The following TPRKB variants were observed in gnomAD, a reference collection of about 807,000 sequenced individuals.
TPRKB encodes the protein TP53RK binding protein.
A neutral mutation model predicts 17.8 loss-of-function variants in TPRKB; 11 were observed. That is an observed-to-expected ratio of 0.62 (90% CI 0.39 to 1.02). The LOEUF is 1.02. Ranked by LOEUF, TPRKB falls within the 50% of genes least tolerant of loss-of-function variation. The probability of loss-of-function intolerance (pLI) is 0.00; values close to 1 mark genes in which losing one functional copy is unlikely to be tolerated. For synonymous variants in TPRKB, 71 were observed against 69.5 expected, an observed-to-expected ratio of 1.02 and a Z score of -0.11; for missense variants, 228 against 198.0, an observed-to-expected ratio of 1.15 and a Z score of -0.91.
Position 73,734,394 on chromosome 2 carries a change from C to A in TPRKB, c.141+35G>T, listed in dbSNP as rs758973512. 9 of 1,595,062 alleles carry A rather than the reference C, an allele frequency of 5.6e-6. No homozygotes were observed. The Admixed American group carries it at 1.4e-4, about 25-fold the overall frequency. ...CATTACAGGCGTGAGCCACCGCACCCAGCAGGCTCATTCATTCTTAAAATT... is the reference window on the plus strand; with the variant it reads ...CATTACAGGCGTGAGCCACCGCACCAAGCAGGCTCATTCATTCTTAAAATT... On this transcript the variant is annotated intron_variant, in intron 2 of 4. Transcript: ENST00000272424.
intron 4 of TPRKB, 100 bp downstream of exon 4, chr2:73,730,460 A>C (rs1210067532): frequency 1.2e-6 from 1 of 809,472 alleles, no homozygotes; most frequent in Non-Finnish European, 1.9e-6. Context: ...TAACTTTCTC[A>C]AAAGTTCAAA....
rs748983849 is a variant in TPRKB, at chr2:73,730,573, GTAATAT to G, written c.422_427del (p.Asn141_Ile142del). 1 of 1,588,216 alleles carries G rather than the reference GTAATAT, an allele frequency of 6.3e-7. No homozygotes were observed. The highest frequency in any genetic ancestry group is 8.5e-7 in the Non-Finnish European group (1 of 1,171,774). On this transcript the variant is annotated inframe_deletion, in exon 4 of 5. Transcript: ENST00000272424. Reference sequence around the variant, plus strand: ...GGACTGGCAAACCTTTTTGACTTCTGTAATATTCATTATTTCAGGAAGATTTTTCAG... The same window carrying G: ...GGACTGGCAAACCTTTTTGACTTCTGTCATTATTTCAGGAAGATTTTTCAG...
In TPRKB at chr2:73,732,156, A is replaced by C; in HGVS notation, c.264+7T>G. 6.2e-7 allele frequency: 1 copy of C among 1,612,454 alleles called. No homozygotes were observed. On this transcript the variant is annotated splice_region_variant and intron_variant, in intron 3 of 4. Coordinates refer to ENST00000272424, the MANE Select transcript of TPRKB (RefSeq NM_016058.5). ...ACGGTCAACAGAAATAGGAAAGTGC[A>C]CATTACATTGTTATTTGGGGAAAGG... is the stretch of plus-strand genomic sequence containing the variant.
intron 1 of TPRKB, among the ~76,000 whole-genome samples, chr2:73,735,332 CAA>C (rs35805651): frequency 1.9e-4 from 27 of 145,016 alleles, no homozygotes; most frequent in East Asian, 4.0e-4. Context: ...AACTCCGTCT[CAA>C]AAAAAAAAAA....
chr2:73,736,106 T>C (rs1417145426), intron 1 of TPRKB, among the ~76,000 whole-genome samples: 1 of 152,190 alleles, frequency 6.6e-6, no homozygotes, highest in African/African-American at 2.4e-5. Context: ...ACCAAAAAGT[T>C]AATGTTATCT....
intron 3 of TPRKB, 38 bp downstream of exon 3, chr2:73,732,125 T>A: frequency 6.2e-7 from 1 of 1,600,190 alleles, no homozygotes. Flanking sequence ...CATATGTTAT[T>A]ATGACACGGT....
chr2:73,730,458 T>G (rs759948738), intron 4 of TPRKB, 102 bp downstream of exon 4: 4 of 783,620 alleles, frequency 5.1e-6, no homozygotes, highest in Non-Finnish European at 5.8e-6. Flanking sequence ...ATTAACTTTC[T>G]CAAAAGTTCA....
rs1671549595 is a variant in TPRKB, at chr2:73,730,505, C to T, written c.441+55G>A. 6 of 1,248,562 alleles carry T rather than the reference C, an allele frequency of 4.8e-6. No homozygotes were observed. The South Asian group carries it at 8.7e-5, about 18-fold the overall frequency. The allele number at this position is 1,248,562 out of a possible 1,614,324, so 77.3% of individuals were successfully genotyped here. On this transcript the variant is annotated intron_variant, in intron 4 of 4. Coordinates refer to ENST00000272424, the MANE Select transcript of TPRKB (RefSeq NM_016058.5). ...GCTCTGGTGATCAATAGGCAAACGGCATCAGCATTATTGCTCATCTATCAC... is the reference window on the plus strand; with the variant it reads ...GCTCTGGTGATCAATAGGCAAACGGTATCAGCATTATTGCTCATCTATCAC...
intron 1 of TPRKB, among the ~76,000 whole-genome samples, chr2:73,736,278 TA>T (rs980240520): frequency 8.5e-5 from 13 of 152,318 alleles, no homozygotes; most frequent in Middle Eastern, 3.4e-3. Context: ...AAGATACACA[TA>T]TTTTTTTAAA....
At chr2:73,730,851 A>G in intron 3 of TPRKB, 115 bp from the exon 4 acceptor site, 1 of 700,212 alleles carries the variant, frequency 1.4e-6, no homozygotes, top group Non-Finnish European at 2.2e-6. Context: ...TTCATGTCCT[A>G]ACAGTTCTCA....
chr2:73,733,927 C>T (rs578258796), intron 2 of TPRKB, among the ~76,000 whole-genome samples: 1 of 148,940 alleles, frequency 6.7e-6, no homozygotes, highest in South Asian at 2.1e-4. Flanking sequence ...AAGCGATTCT[C>T]CTGCCTCAGT....
intron 1 of TPRKB, among the ~76,000 whole-genome samples, chr2:73,735,751 T>G (rs1004611282): frequency 1.1e-4 from 16 of 152,236 alleles, no homozygotes; most frequent in African/African-American, 3.4e-4. Context: ...TCTATCAAAT[T>G]CTTAATAAAA....
intron 2 of TPRKB, among the ~76,000 whole-genome samples, chr2:73,733,798 G>A (rs1671742926): frequency 6.8e-6 from 1 of 147,890 alleles, no homozygotes; most frequent in Non-Finnish European, 1.5e-5. Flanking sequence ...TAAATGCCCT[G>A]TATGGCTCAT....
chr2:73,735,219 C>T (rs762707572), intron 1 of TPRKB, among the ~76,000 whole-genome samples: 66 of 152,154 alleles, frequency 4.3e-4, no homozygotes, highest in Middle Eastern at 3.4e-3. Flanking sequence ...GTAATCCCAG[C>T]TACTCAGGAG....
rs1482214011 is a variant in TPRKB, at chr2:73,737,330, G to C, written c.-51C>G. On this transcript the variant is annotated 5_prime_UTR_variant, in exon 1 of 5. Coordinates refer to ENST00000272424, the MANE Select transcript of TPRKB (RefSeq NM_016058.5). Reference sequence around the variant, plus strand: ...CCGGCCCCCAGTGCGTCTCGGAAGAGCTCCCGCTCCGAAACAAAGCTCACA... The same window carrying C: ...CCGGCCCCCAGTGCGTCTCGGAAGACCTCCCGCTCCGAAACAAAGCTCACA... 1.3e-5 allele frequency: 2 copies of C among 152,232 alleles called. No individual in the cohort carries two copies. The highest frequency in any genetic ancestry group is 3.8e-4 in the East Asian group (2 of 5,198). 9.4% of individuals were successfully genotyped at this position (152,232 alleles called of 1,614,324 possible).
chr2:73,729,967 T>G lies in TPRKB; in HGVS notation c.504A>C (p.Arg168Ser). ...IGTLLDAIIC[R>S]MSTKDVL ...TTCATAAAACATCTTTTGTTGACAT[T>G]CTACAAATGATAGCATCCAATAATG... Residue 168 changes from arginine (R) to serine (S), a missense_variant, in exon 5 of 5, where the codon AGA (arginine) becomes AGC (serine). Coordinates refer to ENST00000272424, the MANE Select transcript of TPRKB (RefSeq NM_016058.5). The G allele has an allele frequency of 6.4e-7, 1 of 1,572,682 alleles. No individual in the cohort carries two copies. The highest frequency in any genetic ancestry group is 8.7e-7 in the Non-Finnish European group (1 of 1,155,466).
chr2:73,733,460 T>C (rs764018187), intron 2 of TPRKB, among the ~76,000 whole-genome samples: 2 of 152,112 alleles, frequency 1.3e-5, no homozygotes, highest in Non-Finnish European at 2.9e-5. Context: ...GGTTTCACTA[T>C]GTAGGCCAGG....
intron 1 of TPRKB, among the ~76,000 whole-genome samples, chr2:73,735,863 A>G (rs1373664892): frequency 2.0e-5 from 3 of 152,236 alleles, no homozygotes; most frequent in Non-Finnish European, 4.4e-5. Context: ...CAATAATTAT[A>G]TAAGATGTTC....
intron 3 of TPRKB, among the ~76,000 whole-genome samples, chr2:73,731,340 G>T (rs1318638657): frequency 6.6e-6 from 1 of 152,160 alleles, no homozygotes; most frequent in Non-Finnish European, 1.5e-5. Context: ...TCTGCCCCTA[G>T]AACTGTAAAT....
Sources: gnomAD v4.1 joint callset for allele counts (sites outside exome capture counted in the v4.1 genomes callset) on GRCh38, gnomAD v4.1.1 for gene constraint, MANE v1.5 for transcripts, NCBI Gene and HGNC (gene_info 2026-07-23, HGNC 2026-07-21) for gene names.